Variants in RAP1GAP observed in about 807,000 individuals in gnomAD.
The protein encoded by RAP1GAP is RAP1 GTPase activating protein, also known as rap1 GTPase-activating protein 1.
A neutral mutation model predicts 87.2 loss-of-function variants in RAP1GAP; 35 were observed. The ratio of observed to expected loss-of-function variants is 0.40; its 90% confidence interval spans 0.31 to 0.53. RAP1GAP has a LOEUF of 0.53. RAP1GAP is among the 20% of genes least tolerant of loss of function. The pLI, the probability that RAP1GAP is intolerant of heterozygous loss-of-function variation, is 0.48. For missense variants in RAP1GAP, 734 were observed against 898.9 expected, an observed-to-expected ratio of 0.82 and a Z score of 2.35; for synonymous variants, 375 against 363.9, an observed-to-expected ratio of 1.03 and a Z score of -0.35.
intron 1 of RAP1GAP, among the ~76,000 whole-genome samples, chr1:21,665,900 C>T (rs761695022): frequency 3.9e-5 from 6 of 152,240 alleles, no homozygotes; most frequent in Non-Finnish European, 8.8e-5. Flanking sequence ...CACCAGAGCC[C>T]AACTTCCTTT....
chr1:21,614,323 T>G (rs528552239), intron 7 of RAP1GAP, among the ~76,000 whole-genome samples: 2 of 152,296 alleles, frequency 1.3e-5, no homozygotes, highest in South Asian at 4.1e-4. Flanking sequence ...TTTCCTAGTC[T>G]GCCAAATAGG....
Position 21,599,498 on chromosome 1 carries a change from C to T in RAP1GAP, c.1772G>A (p.Gly591Asp), listed in dbSNP as rs1325121967. The T allele has an allele frequency of 6.2e-7, 1 of 1,608,724 alleles. No individual in the cohort carries two copies. Among genetic ancestry groups the T allele is most frequent in the Admixed American group, 1.7e-5 (1 of 60,004 alleles). Reference protein sequence around the residue: ...ETEGVDGEDTGLESVSSSGTP... With the variant: ...ETEGVDGEDTDLESVSSSGTP... ...TGACCCCCCTGAGCCTCTCACCAGGCCTGTGTCCTCTCCGTCCACACCCTC... is the reference window on the plus strand; with the variant it reads ...TGACCCCCCTGAGCCTCTCACCAGGTCTGTGTCCTCTCCGTCCACACCCTC... Residue 591 changes from glycine to aspartate, a missense_variant, in exon 21 of 25, where the codon GGC becomes GAC. Coordinates refer to ENST00000374765, the MANE Select transcript of RAP1GAP (RefSeq NM_002885.4).
At chr1:21,642,102 T>A (rs2095578080) in intron 2 of RAP1GAP, among the ~76,000 whole-genome samples, 1 of 152,224 alleles carries the variant, frequency 6.6e-6, no homozygotes. Context: ...GGCCAGGACC[T>A]GGCACCAGGC....
At position 21,603,643 on chromosome 1, in the gene RAP1GAP, C is replaced by A; in HGVS notation, c.1429-730G>T. ...AGAAGCCCCTGGTGAGGGGCACTGG[C>A]TCTGGCACAGGTACCAGGCCCCAAA... On this transcript the variant is annotated intron_variant, in intron 18 of 24. Coordinates refer to ENST00000374765, the MANE Select transcript of RAP1GAP (RefSeq NM_002885.4). The surrounding 1 kb of genome is among the most constrained non-coding windows in gnomAD (Gnocchi z 6.0). The A allele has an allele frequency of 1.3e-6, 1 of 761,976 alleles. No individual in the cohort carries two copies. The highest frequency in any genetic ancestry group is 2.4e-6 in the Non-Finnish European group (1 of 421,588). The allele number at this position is 761,976 out of a possible 1,614,324, so 47.2% of individuals were successfully genotyped here.
intron 2 of RAP1GAP, among the ~76,000 whole-genome samples, chr1:21,638,789 T>A (rs2095213830): frequency 1.3e-5 from 2 of 152,336 alleles, no homozygotes; most frequent in Middle Eastern, 3.4e-3. Context: ...CCTGAGCACC[T>A]GACTGCTTTA....
chr1:21,662,654 T>TCCTGCC (rs1415473012), intron 1 of RAP1GAP, among the ~76,000 whole-genome samples: 3 of 151,916 alleles, frequency 2.0e-5, no homozygotes, highest in African/African-American at 7.3e-5. Context: ...CCACCCCTGC[T>TCCTGCC]CCTGCCCCTG....
intron 1 of RAP1GAP, among the ~76,000 whole-genome samples, chr1:21,664,543 C>G (rs982339385): frequency 7.9e-5 from 12 of 152,208 alleles, no homozygotes; most frequent in Non-Finnish European, 4.4e-5. Context: ...CCTCCAGGAG[C>G]GCCTCCACTT....
At chr1:21,636,889 G>A (rs2094773231) in intron 2 of RAP1GAP, among the ~76,000 whole-genome samples, 1 of 133,066 alleles carries the variant, frequency 7.5e-6, no homozygotes, top group Admixed American at 8.4e-5. Flanking sequence ...AGGAAGGAAA[G>A]AAGGAAGGAA....
intron 16 of RAP1GAP, among the ~76,000 whole-genome samples, 165 bp downstream of exon 16, chr1:21,608,685 G>A (rs1231428622): frequency 1.4e-5 from 2 of 146,602 alleles, no homozygotes; most frequent in African/African-American, 2.6e-5. Context: ...GTATCCCTCC[G>A]GCTTCCTCTC....
In RAP1GAP at chr1:21,613,551, C is replaced by A; in HGVS notation, c.474+77G>T. On this transcript the variant is annotated intron_variant, in intron 9 of 24. Transcript: ENST00000374765. The surrounding 1 kb of genome is among the most constrained non-coding windows in gnomAD (Gnocchi z 4.7). ...CTAGGGCCTACAGCTGAAGGGGACGCGCCAAGGCAAGCTGAAGCCCCACAG... is the reference window on the plus strand; with the variant it reads ...CTAGGGCCTACAGCTGAAGGGGACGAGCCAAGGCAAGCTGAAGCCCCACAG... The A allele has an allele frequency of 2.2e-6, 3 of 1,373,340 alleles. No individual in the cohort carries two copies. Among genetic ancestry groups the A allele is most frequent in the Non-Finnish European group, 3.1e-6 (3 of 963,200 alleles). The allele number at this position is 1,373,340 out of a possible 1,614,324, so 85.1% of individuals were successfully genotyped here. A position where few individuals can be genotyped will look rare whatever the true frequency, so the allele number is the denominator to read the frequency against.
Position 21,613,061 on chromosome 1 carries a change from G to A in RAP1GAP, c.528+115C>T. 1 of 1,152,680 alleles carries A rather than the reference G, an allele frequency of 8.7e-7. No homozygotes were observed. Among genetic ancestry groups the A allele is most frequent in the Non-Finnish European group, 1.3e-6 (1 of 778,894 alleles). 71.4% of individuals were successfully genotyped at this position (1,152,680 alleles called of 1,614,324 possible). A position where few individuals can be genotyped will look rare whatever the true frequency, so the allele number is the denominator to read the frequency against. ...TGTGGACTTCACAGGGTTATTGTGA[G>A]GATTAAATGAGAGAACCTTGGGAAA... On this transcript the variant is annotated intron_variant, in intron 10 of 24. Coordinates refer to ENST00000374765, the MANE Select transcript of RAP1GAP (RefSeq NM_002885.4). The surrounding 1 kb of genome is among the most constrained non-coding windows in gnomAD (Gnocchi z 4.7).
At chr1:21,610,793 G>A (rs2077741956) in intron 13 of RAP1GAP, among the ~76,000 whole-genome samples, 3 of 152,174 alleles carry the variant, frequency 2.0e-5, no homozygotes, top group Non-Finnish European at 4.4e-5. Context: ...ATACATTCAT[G>A]TTGCTAAAAT....
intron 1 of RAP1GAP, among the ~76,000 whole-genome samples, chr1:21,664,179 G>T (rs115032784): frequency 6.6e-6 from 1 of 152,174 alleles, no homozygotes; most frequent in Non-Finnish European, 1.5e-5. Flanking sequence ...CCTAGTTCCC[G>T]GGTGGCTTGG....
At chr1:21,610,660 A>G (rs2077658158) in intron 13 of RAP1GAP, among the ~76,000 whole-genome samples, 1 of 152,154 alleles carries the variant, frequency 6.6e-6, no homozygotes, top group Admixed American at 6.5e-5. Context: ...TGCTATAATG[A>G]GCTATAATGA....
chr1:21,617,851 G>A, intron 6 of RAP1GAP, 83 bp downstream of exon 6: 1 of 1,577,684 alleles, frequency 6.3e-7, no homozygotes, highest in Non-Finnish European at 8.7e-7. Context: ...AGGCTCCTAA[G>A]GAGGAGGACC....
rs1201415187 is a variant in RAP1GAP at position 21,609,618 on chromosome 1, G to A, written c.1028C>T (p.Pro343Leu). The A allele has an allele frequency of 1.3e-6, 2 of 1,581,534 alleles. No individual in the cohort carries two copies. The highest frequency in any genetic ancestry group is 1.7e-6 in the Non-Finnish European group (2 of 1,164,146). ...KVSVTARDDV[P>L]FFGPPLPDPA... ...GTCCGGGAGGGGGGGTCCAAAGAAG[G>A]GCACATCATCTCTTGCAGTGACAGA... is the stretch of plus-strand genomic sequence containing the variant. Residue 343 changes from proline (P) to leucine (L), a missense_variant, in exon 15 of 25, where the codon CCC becomes CTC. Transcript: ENST00000374765. The surrounding 1 kb of genome is among the most constrained non-coding windows in gnomAD (Gnocchi z 4.4).
intron 3 of RAP1GAP, among the ~76,000 whole-genome samples, chr1:21,620,906 G>C (rs1412354866): frequency 2.0e-5 from 3 of 151,998 alleles, no homozygotes; most frequent in African/African-American, 7.3e-5. Flanking sequence ...CACACACACA[G>C]AAGCCTGCAC....
intron 2 of RAP1GAP, among the ~76,000 whole-genome samples, chr1:21,626,600 A>G (rs191723306): frequency 6.6e-5 from 10 of 152,256 alleles, no homozygotes; most frequent in African/African-American, 2.2e-4. Flanking sequence ...GAGATCAGAG[A>G]CGTGGACAGG....
At chr1:21,658,066 C>T (rs1166907527) in intron 1 of RAP1GAP, among the ~76,000 whole-genome samples, 2 of 152,164 alleles carry the variant, frequency 1.3e-5, no homozygotes, top group African/African-American at 4.8e-5. Context: ...GTGAGAGTCC[C>T]ACTTCAGGAG....
Sources: allele counts gnomAD v4.1 joint callset (sites outside exome capture counted in the v4.1 genomes callset), GRCh38; gene constraint gnomAD v4.1.1; non-coding constraint Gnocchi (gnomAD v3.1); transcripts MANE v1.5; gene names NCBI Gene and HGNC (gene_info 2026-07-23, HGNC 2026-07-21).